Variants in TEAD1 observed in about 807,000 individuals in gnomAD.
TEAD1 encodes the protein transcriptional enhancer factor TEF-1.
TEAD1 carries 9 observed loss-of-function variants against 54.9 expected under a neutral mutation model. The ratio of observed to expected loss-of-function variants is 0.16; its 90% confidence interval spans 0.10 to 0.29. TEAD1 has a LOEUF of 0.29. Among genes scored for constraint, TEAD1 ranks in the 10% least tolerant of loss-of-function variants. The pLI is 1.00. For synonymous variants in TEAD1, 200 were observed against 187.8 expected (o/e 1.07, Z -0.53); for missense variants, 387 against 535.9 (o/e 0.72, Z 2.74).
chr11:12,878,832 GA>G (rs998445841), intron 5 of TEAD1: 66 of 1,165,630 alleles, frequency 5.7e-5, no homozygotes, highest in Non-Finnish European at 6.8e-5. Flanking sequence ...AACCAAAGAA[GA>G]AAAAAAATCC....
intron 9 of TEAD1, among the ~76,000 whole-genome samples, chr11:12,893,297 C>T (rs565607565): frequency 5.3e-5 from 8 of 152,094 alleles, no homozygotes; most frequent in African/African-American, 1.2e-4. Flanking sequence ...GAGTGTCTCC[C>T]GGGGAAGGAG....
chr11:12,889,896 A>G (rs1564979080), intron 9 of TEAD1, among the ~76,000 whole-genome samples: 3 of 151,844 alleles, frequency 2.0e-5, no homozygotes, highest in Admixed American at 2.0e-4. Context: ...TGATTTCTGT[A>G]TTTTTAGTAG....
rs889681664 is a variant in TEAD1 at position 12,901,383 on chromosome 11, A to G, written c.700-557A>G. ...CCTAACTTTGCACTGACAGTGACAT[A>G]TTGAGCAGCCCTTATGTAGAAGTTT... On this transcript the variant is annotated intron_variant, in intron 9 of 12. Coordinates refer to ENST00000527636, the MANE Select transcript of TEAD1 (RefSeq NM_021961.6). Among the ~76,000 whole-genome samples the G allele has an allele frequency of 9.9e-5, 15 of 152,182 alleles. 1 individual carries two copies. The highest frequency in any genetic ancestry group is 5.9e-5 in the Non-Finnish European group (4 of 68,040).
At chr11:12,859,317 A>G (rs1366190398) in intron 3 of TEAD1, among the ~76,000 whole-genome samples, 1 of 152,176 alleles carries the variant, frequency 6.6e-6, no homozygotes, top group African/African-American at 2.4e-5. Context: ...AGGGTAGGAG[A>G]CATTTTTGTC....
At chr11:12,723,997 GC>G (rs1944263979) in intron 2 of TEAD1, among the ~76,000 whole-genome samples, 1 of 152,178 alleles carries the variant, frequency 6.6e-6, no homozygotes. Context: ...ACATACCATG[GC>G]CACTGAACTG....
intron 10 of TEAD1, among the ~76,000 whole-genome samples, chr11:12,907,608 G>A (rs972029832): frequency 6.6e-6 from 1 of 152,192 alleles, no homozygotes; most frequent in African/African-American, 2.4e-5. Context: ...GAAGGGAAGA[G>A]GTTCCTCTCT....
At chr11:12,747,074 G>C (rs539304112) in intron 2 of TEAD1, among the ~76,000 whole-genome samples, 1 of 152,322 alleles carries the variant, frequency 6.6e-6, no homozygotes, top group African/African-American at 2.4e-5. Context: ...ATCTCACTCT[G>C]TGGTTCTAGT....
intron 3 of TEAD1, among the ~76,000 whole-genome samples, chr11:12,803,298 G>A (rs1946101822): frequency 6.6e-6 from 1 of 152,140 alleles, no homozygotes; most frequent in Non-Finnish European, 1.5e-5. Flanking sequence ...TTGCTTCCCT[G>A]AGGGTCTTGG....
chr11:12,774,248 C>G (rs1310379227), intron 3 of TEAD1, among the ~76,000 whole-genome samples: 1 of 152,114 alleles, frequency 6.6e-6, no homozygotes, highest in Non-Finnish European at 1.5e-5. Context: ...ATACGGTCAA[C>G]TGATGTGAAT....
chr11:12,864,811 G>C, intron 4 of TEAD1, 27 bp from the exon 5 acceptor site: 1 of 1,613,884 alleles, frequency 6.2e-7, no homozygotes, highest in East Asian at 2.2e-5. Context: ...CTTTTCCTTT[G>C]TTTTCCTCCC....
chr11:12,776,003 G>T (rs941402111), intron 3 of TEAD1, among the ~76,000 whole-genome samples: 2 of 152,118 alleles, frequency 1.3e-5, no homozygotes, highest in African/African-American at 4.8e-5. Flanking sequence ...TTACGGCAGG[G>T]TCACAGTGGG....
At chr11:12,725,491 A>G (rs2133871366) in intron 2 of TEAD1, among the ~76,000 whole-genome samples, 1 of 152,362 alleles carries the variant, frequency 6.6e-6, no homozygotes, top group African/African-American at 2.4e-5. Context: ...CCAACACATA[A>G]TAATGATAAA....
In TEAD1 at chr11:12,759,986, G is replaced by A. The variant is rs1484814966; in HGVS notation, c.-54-4193G>A. Among the ~76,000 whole-genome samples, 6 of 152,204 alleles carry A rather than the reference G, an allele frequency of 3.9e-5. No individual in the cohort carries two copies. In the South Asian group the frequency reaches 6.2e-4, roughly 16 times the overall value. On this transcript the variant is annotated intron_variant, in intron 2 of 12. Coordinates refer to ENST00000527636, the MANE Select transcript of TEAD1 (RefSeq NM_021961.6). ...TAAGAATCTGAAAGCTGTTGAACCC[G>A]TGAATAAATTCAGAATTAGATGAGT...
intron 2 of TEAD1, among the ~76,000 whole-genome samples, chr11:12,682,537 G>A (rs1016416671): frequency 1.3e-5 from 2 of 152,162 alleles, no homozygotes; most frequent in Non-Finnish European, 2.9e-5. Flanking sequence ...TGAGGGGTAG[G>A]AAGGGTAATC....
chr11:12,876,341 A>G lies in TEAD1; in HGVS notation c.331-3367A>G, dbSNP rs181895878. Among the ~76,000 whole-genome samples the G allele has an allele frequency of 6.1e-3, 933 of 152,344 alleles. 4 individuals carry two copies. The highest frequency in any genetic ancestry group is 0.024 in the Middle Eastern group (7 of 294). On this transcript the variant is annotated intron_variant, in intron 5 of 12. Coordinates refer to ENST00000527636, the MANE Select transcript of TEAD1 (RefSeq NM_021961.6). ...AGCCTAGCAAATTTCAAGCAACTCA[A>G]TAAAGCGGGATGTGGAGATGCAGGG...
chr11:12,921,538 CAAA>C (rs10684810), intron 10 of TEAD1, among the ~76,000 whole-genome samples: 15 of 130,784 alleles, frequency 1.1e-4, no homozygotes, highest in South Asian at 2.5e-4. Flanking sequence ...AACTCCATCT[CAAA>C]AAAAAAAAAA....
At chr11:12,924,761 T>A (rs752036297) in intron 10 of TEAD1, 151 bp from the exon 11 acceptor site, 5 of 879,540 alleles carry the variant, frequency 5.7e-6, no homozygotes, top group Non-Finnish European at 9.5e-6. Context: ...AAACGACAGA[T>A]GGGTATTGAA....
At chr11:12,750,926 C>T (rs965784836) in intron 2 of TEAD1, among the ~76,000 whole-genome samples, 1 of 152,194 alleles carries the variant, frequency 6.6e-6, no homozygotes, top group Non-Finnish European at 1.5e-5. Flanking sequence ...TTCATATTCA[C>T]CCATTGACTC....
intron 3 of TEAD1, among the ~76,000 whole-genome samples, chr11:12,793,717 G>T (rs773267400): frequency 2.6e-5 from 4 of 152,236 alleles, no homozygotes; most frequent in Non-Finnish European, 5.9e-5. Context: ...AGGCATGTAG[G>T]ATGTGGAACA....
Sources: gnomAD v4.1 joint callset for allele counts (sites outside exome capture counted in the v4.1 genomes callset) on GRCh38, gnomAD v4.1.1 for gene constraint, MANE v1.5 for transcripts, NCBI Gene and HGNC (gene_info 2026-07-23, HGNC 2026-07-21) for gene names.